NMNAT2: variants seen among roughly 807,000 people sequenced by gnomAD.
NMNAT2 encodes nicotinamide nucleotide adenylyltransferase 2.
A neutral mutation model predicts 41.6 loss-of-function variants in NMNAT2; 11 were observed. The ratio of observed to expected loss-of-function variants is 0.26; its 90% CI spans 0.17 to 0.44. The LOEUF is 0.44. NMNAT2 is among the 20% of genes least tolerant of loss of function. NMNAT2 has a pLI of 1.00. For synonymous variants in NMNAT2, 148 were observed against 151.2 expected (o/e 0.98, Z 0.16); for missense variants, 288 against 407.7 (o/e 0.71, Z 2.53).
chr1:183,267,109 G>A (rs1488512956), intron 8 of NMNAT2: 1 of 164,614 alleles, frequency 6.1e-6, no homozygotes, highest in East Asian at 1.7e-4. Context: ...AACAGAAAAG[G>A]CTTGCCAATC....
intron 1 of NMNAT2, among the ~76,000 whole-genome samples, chr1:183,296,736 ACTC>A (rs1480680419): frequency 6.6e-6 from 1 of 151,444 alleles, no homozygotes; most frequent in Non-Finnish European, 1.5e-5. Flanking sequence ...CTGGTCTTGA[ACTC>A]CTGACCTCAG....
intron 1 of NMNAT2, among the ~76,000 whole-genome samples, chr1:183,313,606 C>T (rs1662176807): frequency 6.6e-6 from 1 of 152,088 alleles, no homozygotes; most frequent in Non-Finnish European, 1.5e-5. Flanking sequence ...CTGCCTCAGT[C>T]CCTCTGGTAG....
intron 1 of NMNAT2, among the ~76,000 whole-genome samples, chr1:183,296,633 C>T (rs563543320): frequency 1.3e-5 from 2 of 152,156 alleles, no homozygotes; most frequent in East Asian, 3.9e-4. Context: ...GTGCCTCAGC[C>T]TCATAGGTAG....
chr1:183,278,769 C>T (rs1282214756), intron 7 of NMNAT2, 140 bp from the exon 8 acceptor site: 2 of 661,674 alleles, frequency 3.0e-6, no homozygotes, highest in Non-Finnish European at 5.6e-6. Context: ...GTGCCTCTGC[C>T]CCTGAGTGTG....
At chr1:183,358,267 A>G (rs1005808309) in intron 1 of NMNAT2, among the ~76,000 whole-genome samples, 1 of 152,212 alleles carries the variant, frequency 6.6e-6, no homozygotes, top group African/African-American at 2.4e-5. Context: ...GGGACCTGTC[A>G]GAGGGTGGAG....
intron 1 of NMNAT2, among the ~76,000 whole-genome samples, chr1:183,316,353 T>C (rs1441261728): frequency 6.6e-6 from 1 of 152,178 alleles, no homozygotes; most frequent in Non-Finnish European, 1.5e-5. Flanking sequence ...GGCTGCTCTG[T>C]GGGGTGGGGA....
chr1:183,255,106 T>A (rs1244830876), intron 10 of NMNAT2, among the ~76,000 whole-genome samples: 1 of 152,240 alleles, frequency 6.6e-6, no homozygotes, highest in Non-Finnish European at 1.5e-5. Flanking sequence ...TGGTGTGAGA[T>A]AAGGTCCAAT....
intron 3 of NMNAT2, among the ~76,000 whole-genome samples, chr1:183,291,753 T>C (rs1661545473): frequency 6.6e-6 from 1 of 152,330 alleles, no homozygotes; most frequent in African/African-American, 2.4e-5. Flanking sequence ...AATCCTTTCT[T>C]GCCTACGGGT....
chr1:183,341,749 C>CAAAAAAA (rs1475480146), intron 1 of NMNAT2, among the ~76,000 whole-genome samples: 3 of 31,692 alleles, frequency 9.5e-5, no homozygotes, highest in African/African-American at 2.4e-4. Context: ...AAAAAAAAAC[C>CAAAAAAA]TGTTTCCTTC....
chr1:183,393,022 A>G (rs1648526333), intron 1 of NMNAT2, among the ~76,000 whole-genome samples: 1 of 152,082 alleles, frequency 6.6e-6, no homozygotes, highest in Non-Finnish European at 1.5e-5. Flanking sequence ...GTTCTCTGTG[A>G]CTGTCTTAAC....
intron 1 of NMNAT2, among the ~76,000 whole-genome samples, chr1:183,323,916 G>A (rs1354753175): frequency 6.6e-6 from 1 of 152,214 alleles, no homozygotes; most frequent in Non-Finnish European, 1.5e-5. Flanking sequence ...GGCTGGGGTG[G>A]AAGAGGAGTT....
At chr1:183,269,456 G>A (rs1374589393) in intron 8 of NMNAT2, among the ~76,000 whole-genome samples, 2 of 152,192 alleles carry the variant, frequency 1.3e-5, no homozygotes, top group Non-Finnish European at 2.9e-5. Flanking sequence ...TCCTCTGCAG[G>A]GCCATCCTGA....
In NMNAT2 at chr1:183,249,061, A is replaced by C. The variant is rs1380587225; in HGVS notation, c.*3580T>G. The C allele has an allele frequency of 6.6e-6, 1 of 152,150 alleles. No individual in the cohort carries two copies. The highest frequency in any genetic ancestry group is 1.5e-5 in the Non-Finnish European group (1 of 68,028). The allele number at this position is 152,150 out of a possible 1,614,324, so 9.4% of individuals were successfully genotyped here. A position where few individuals can be genotyped will look rare whatever the true frequency, so the allele number is the denominator to read the frequency against. Reference sequence around the variant, plus strand: ...CTTAATTTGAACAGCAAGTTCTTTAATTCTTTCTGAGAAGCTGGAGCTTGA... The same window carrying C: ...CTTAATTTGAACAGCAAGTTCTTTACTTCTTTCTGAGAAGCTGGAGCTTGA... On this transcript the variant is annotated 3_prime_UTR_variant, in exon 11 of 11. Coordinates refer to ENST00000287713, the MANE Select transcript of NMNAT2 (RefSeq NM_015039.4).
chr1:183,373,671 G>A (rs990218041), intron 1 of NMNAT2, among the ~76,000 whole-genome samples: 7 of 150,618 alleles, frequency 4.6e-5, no homozygotes, highest in Middle Eastern at 3.4e-3. Context: ...AGGCTGGAGT[G>A]CAGTGGTGCC....
At chr1:183,380,296 C>A (rs1048783904) in intron 1 of NMNAT2, among the ~76,000 whole-genome samples, 1 of 152,106 alleles carries the variant, frequency 6.6e-6, no homozygotes, top group Non-Finnish European at 1.5e-5. Flanking sequence ...TACTTTCCTA[C>A]CCTTATTTTC....
At chr1:183,321,922 G>A (rs1277709174) in intron 1 of NMNAT2, among the ~76,000 whole-genome samples, 3 of 152,012 alleles carry the variant, frequency 2.0e-5, no homozygotes, top group East Asian at 3.9e-4. Context: ...GGGCTCAAGC[G>A]AACCTCCCAC....
intron 1 of NMNAT2, among the ~76,000 whole-genome samples, chr1:183,338,786 G>A (rs904380534): frequency 2.6e-5 from 4 of 152,132 alleles, no homozygotes; most frequent in African/African-American, 9.7e-5. Context: ...TACAGAGGAG[G>A]AGCAGGATCT....
At chr1:183,278,241 A>AT (rs962052252) in intron 8 of NMNAT2, among the ~76,000 whole-genome samples, 18 of 151,730 alleles carry the variant, frequency 1.2e-4, no homozygotes, top group African/African-American at 3.9e-4. Flanking sequence ...AAGGGCAAAG[A>AT]TTTTTTTTTC....
chr1:183,293,277 C>T (rs1380970887), intron 2 of NMNAT2, among the ~76,000 whole-genome samples: 28 of 152,174 alleles, frequency 1.8e-4, no homozygotes, highest in Admixed American at 1.8e-3. Context: ...GGACACGTGG[C>T]AGGGAGGGAT....
Sources: allele counts gnomAD v4.1 joint callset (sites outside exome capture counted in the v4.1 genomes callset), GRCh38; gene constraint gnomAD v4.1.1; transcripts MANE v1.5; gene names NCBI Gene and HGNC (gene_info 2026-07-23, HGNC 2026-07-21).